The following GAK variants were observed in gnomAD, a reference collection of about 807,000 sequenced individuals.
GAK encodes cyclin G associated kinase.
GAK carries 79 observed loss-of-function variants against 143.9 expected under a neutral mutation model. The observed-to-expected ratio is 0.55, with a 90% CI of 0.46 to 0.66. The LOEUF (loss-of-function observed/expected upper bound fraction) is 0.66, where lower values mean the gene tolerates loss of function less well. Among genes scored for constraint, GAK ranks in the 30% least tolerant of loss-of-function variants. The pLI is 0.00. For missense variants in GAK, 1,693 were observed against 1,779.7 expected, an observed-to-expected ratio of 0.95 and a Z score of 0.88; for synonymous variants, 881 against 765.5, an observed-to-expected ratio of 1.15 and a Z score of -2.49.
rs1184888105 is a variant in GAK at position 849,696 on chromosome 4, G to A, written c.3913C>T (p.Gln1305Ter). The A allele has an allele frequency of 6.2e-7, 1 of 1,613,024 alleles. No homozygotes were observed. Among genetic ancestry groups the A allele is most frequent in the Non-Finnish European group, 8.5e-7 (1 of 1,179,478 alleles). The change falls in exon 28 of 28, where the codon CAG becomes TAG. Residue 1305 changes from glutamine (Q) to a stop codon, truncating the protein, a stop_gained. Coordinates refer to ENST00000314167, the MANE Select transcript of GAK (RefSeq NM_005255.4). LOFTEE classifies it high-confidence loss of function. ...CCTCAGAAGAGGGGCCGGGAGCCCT[G>A]GTTCTCAAACTCCGACCAGGCGTCA... is the stretch of plus-strand genomic sequence containing the variant. ...LNDAWSEFEN[Q>*]GSRPLF
intron 11 of GAK, among the ~76,000 whole-genome samples, chr4:884,951 A>C (rs1715974693): frequency 6.7e-6 from 1 of 148,560 alleles, no homozygotes; most frequent in Non-Finnish European, 1.5e-5. Context: ...CCTGAAAGTG[A>C]CCATGCGTTC....
At chr4:855,490 C>T (rs1748975620) in intron 24 of GAK, among the ~76,000 whole-genome samples, 1 of 152,176 alleles carries the variant, frequency 6.6e-6, no homozygotes, top group South Asian at 2.1e-4. Flanking sequence ...TTGTAGATTG[C>T]TTCAGAGTCC....
At position 877,655 on chromosome 4, in the gene GAK, C is replaced by T. The variant is rs1297645548; in HGVS notation, c.1816G>A (p.Glu606Lys). Reference sequence around the variant, plus strand: ...TCCTGGGAGGTGCTGGCCACACGCTCGTCCCCCACGTAGACCTCGCAGAAG... The same window carrying T: ...TCCTGGGAGGTGCTGGCCACACGCTTGTCCCCCACGTAGACCTCGCAGAAG... ...RPFCEVYVGD[E>K]RVASTSQEYD... The change falls in exon 16 of 28, where the codon GAG (glutamate) becomes AAG (lysine). Residue 606 changes from glutamate (E) to lysine (K), a missense_variant. Coordinates refer to ENST00000314167, the MANE Select transcript of GAK (RefSeq NM_005255.4). The T allele has an allele frequency of 4.4e-6, 7 of 1,606,268 alleles. No homozygotes were observed. Among genetic ancestry groups the T allele is most frequent in the Non-Finnish European group, 4.3e-6 (5 of 1,176,048 alleles).
At chr4:930,303 T>C (rs1407839195) in intron 1 of GAK, among the ~76,000 whole-genome samples, 1 of 152,146 alleles carries the variant, frequency 6.6e-6, no homozygotes, top group Non-Finnish European at 1.5e-5. Context: ...AGCTCCTAAT[T>C]GCATTGGTTA....
At chr4:876,419 C>T (rs1560331784) in intron 18 of GAK, 111 bp downstream of exon 18, 5 of 876,280 alleles carry the variant, frequency 5.7e-6, no homozygotes, top group Non-Finnish European at 9.4e-6. Context: ...CACCAAGCAG[C>T]AGTCACACAG....
At position 894,020 on chromosome 4, in the gene GAK, A is replaced by G. The variant is rs1054918306; in HGVS notation, c.742-11T>C. 4 of 1,580,948 alleles carry G rather than the reference A, an allele frequency of 2.5e-6. No homozygotes were observed. Among genetic ancestry groups the G allele is most frequent in the Non-Finnish European group, 3.4e-6 (4 of 1,164,170 alleles). On this transcript the variant is annotated splice_polypyrimidine_tract_variant and intron_variant, in intron 7 of 27. Coordinates refer to ENST00000314167, the MANE Select transcript of GAK (RefSeq NM_005255.4). Reference sequence around the variant, plus strand: ...GATGCAGCCCAGGGCCTGCGGGGAGAGCAGGGGTGATGCCTAGGCCCACGG... The same window carrying G: ...GATGCAGCCCAGGGCCTGCGGGGAGGGCAGGGGTGATGCCTAGGCCCACGG...
chr4:898,294 T>A, intron 5 of GAK, 136 bp from the exon 6 acceptor site: 1 of 921,334 alleles, frequency 1.1e-6, no homozygotes, highest in Non-Finnish European at 1.7e-6. Flanking sequence ...GCCGGGTGCC[T>A]GCAGCACCTC....
intron 1 of GAK, among the ~76,000 whole-genome samples, chr4:917,551 G>C (rs1723272433): frequency 6.6e-6 from 1 of 152,260 alleles, no homozygotes; most frequent in South Asian, 2.1e-4. Context: ...TACACATACA[G>C]TTAGTGTACA....
At chr4:886,282 G>A (rs1490451195) in intron 11 of GAK, 1 of 152,272 alleles carries the variant, frequency 6.6e-6, no homozygotes, top group Non-Finnish European at 1.5e-5. Context: ...TGCCATGCAA[G>A]CAGCGCCTGC....
chr4:859,727 A>G lies in GAK; in HGVS notation c.3167-5T>C, dbSNP rs374099756. ...CTCCAGGAGAGAAGAGGGGGCCTGG[A>G]GAAGGGGCACAGGGCATTAGAACAA... On this transcript the variant is annotated splice_polypyrimidine_tract_variant and splice_region_variant and intron_variant, in intron 23 of 27. Coordinates refer to ENST00000314167, the MANE Select transcript of GAK (RefSeq NM_005255.4). 3.8e-6 allele frequency: 6 copies of G among 1,580,684 alleles called. No homozygotes were observed. Among genetic ancestry groups the G allele is most frequent in the Non-Finnish European group, 5.2e-6 (6 of 1,154,102 alleles).
At chr4:866,142 C>T (rs374286734) in intron 22 of GAK, among the ~76,000 whole-genome samples, 4 of 152,272 alleles carry the variant, frequency 2.6e-5, no homozygotes, top group African/African-American at 7.2e-5. Flanking sequence ...GGCCCCACAA[C>T]CTGTTCCAGG....
chr4:917,770 C>T (rs1723310887), intron 1 of GAK, among the ~76,000 whole-genome samples: 1 of 152,216 alleles, frequency 6.6e-6, no homozygotes, highest in Non-Finnish European at 1.5e-5. Context: ...ACATTTAAAA[C>T]ATGCAGCCTG....
chr4:853,417 C>T (rs1748529324), intron 24 of GAK: 2 of 152,266 alleles, frequency 1.3e-5, no homozygotes, highest in South Asian at 2.1e-4. Flanking sequence ...TGTTTAGCTT[C>T]GTAGGAAACC....
chr4:887,425 G>A (rs1310775418), intron 11 of GAK: 2 of 141,836 alleles, frequency 1.4e-5, no homozygotes, highest in Non-Finnish European at 3.0e-5. Context: ...CGGCTCACAT[G>A]CACTCACAGG....
intron 4 of GAK, among the ~76,000 whole-genome samples, chr4:905,093 G>A (rs1720819058): frequency 6.6e-6 from 1 of 152,128 alleles, no homozygotes; most frequent in African/African-American, 2.4e-5. Flanking sequence ...CAACCATTAG[G>A]CTGATGGCGG....
chr4:890,428 G>C (rs1717404348), intron 10 of GAK, 104 bp downstream of exon 10: 3 of 772,158 alleles, frequency 3.9e-6, no homozygotes, highest in East Asian at 2.8e-5. Flanking sequence ...TGGGAGAGGA[G>C]GCCCCGGGAG....
intron 4 of GAK, among the ~76,000 whole-genome samples, chr4:911,376 G>A (rs1214030285): frequency 7.9e-5 from 12 of 152,196 alleles, no homozygotes; most frequent in Admixed American, 7.2e-4. Context: ...AGGCCACCAC[G>A]CTCTACCCCG....
intron 21 of GAK, 117 bp from the exon 22 acceptor site, chr4:866,651 C>A (rs1307338094): frequency 9.0e-7 from 1 of 1,115,510 alleles, no homozygotes; most frequent in African/African-American, 1.6e-5. Context: ...CCAGACCCCA[C>A]GGCTGCCCTC....
chr4:850,180 T>C, intron 26 of GAK, 112 bp from the exon 27 acceptor site: 3 of 1,043,460 alleles, frequency 2.9e-6, no homozygotes, highest in Non-Finnish European at 4.1e-6. Context: ...TGGGGTGGGC[T>C]CAGCCCGGCT....
Sources: allele counts gnomAD v4.1 joint callset (sites outside exome capture counted in the v4.1 genomes callset), GRCh38; gene constraint gnomAD v4.1.1; transcripts MANE v1.5; gene names NCBI Gene and HGNC (gene_info 2026-07-23, HGNC 2026-07-21).